Variants in DNAH11 observed in about 807,000 individuals in gnomAD.
The protein encoded by DNAH11 is dynein axonemal heavy chain 11.
In DNAH11, 442 loss-of-function variants were observed where a neutral mutation model predicts 526.0. The ratio of observed to expected loss-of-function variants is 0.84; its 90% confidence interval spans 0.78 to 0.91. The LOEUF is 0.91. Ranked by LOEUF, DNAH11 falls within the 40% of genes least tolerant of loss-of-function variation. The probability of loss-of-function intolerance (pLI) is 0.00; values close to 1 mark genes in which losing one functional copy is unlikely to be tolerated. For synonymous variants in DNAH11, 2,461 were observed against 1,935.9 expected (o/e 1.27, Z -7.12); for missense variants, 6,989 against 5,448.7 (o/e 1.28, Z -8.90).
At chr7:21,830,491 C>A (rs1487479908) in intron 65 of DNAH11, among the ~76,000 whole-genome samples, 2 of 152,022 alleles carry the variant, frequency 1.3e-5, no homozygotes, top group African/African-American at 2.4e-5. Flanking sequence ...CTCTCAGTAC[C>A]CTCTTGTGAT....
intron 28 of DNAH11, among the ~76,000 whole-genome samples, chr7:21,645,899 T>A (rs1440915462): frequency 6.6e-6 from 1 of 152,150 alleles, no homozygotes; most frequent in Admixed American, 6.5e-5. Context: ...AAAATCTTCT[T>A]AAATTGGACA....
At chr7:21,725,033 C>A (rs1344066303) in intron 44 of DNAH11, among the ~76,000 whole-genome samples, 1 of 53,652 alleles carries the variant, frequency 1.9e-5, no homozygotes, top group East Asian at 5.0e-4. Flanking sequence ...TTGTTGCTCA[C>A]AGTTGTCCTT....
intron 28 of DNAH11, among the ~76,000 whole-genome samples, chr7:21,639,487 C>A (rs1287404458): frequency 6.6e-6 from 1 of 152,148 alleles, no homozygotes; most frequent in Non-Finnish European, 1.5e-5. Flanking sequence ...TGACATTGGG[C>A]TTATCTTCAG....
chr7:21,613,948 T>TG (rs113864677), intron 20 of DNAH11, among the ~76,000 whole-genome samples: 2 of 150,108 alleles, frequency 1.3e-5, no homozygotes, highest in African/African-American at 2.5e-5. Context: ...TTTTTTTTTT[T>TG]GCACTTTTAA....
intron 61 of DNAH11, among the ~76,000 whole-genome samples, chr7:21,797,403 G>C (rs1788768629): frequency 6.6e-6 from 1 of 151,512 alleles, no homozygotes; most frequent in East Asian, 1.9e-4. Context: ...ATTTTTAGTA[G>C]AGACGGGGTT....
chr7:21,651,094 G>C (rs778991597), intron 28 of DNAH11, among the ~76,000 whole-genome samples: 1 of 151,872 alleles, frequency 6.6e-6, no homozygotes, highest in Admixed American at 6.6e-5. Flanking sequence ...CCATATTTTG[G>C]TCATGATTTA....
chr7:21,854,580 C>G, intron 68 of DNAH11, 125 bp downstream of exon 68: 5 of 1,083,242 alleles, frequency 4.6e-6, no homozygotes, highest in Non-Finnish European at 6.3e-6. Context: ...GACAGAGTCT[C>G]ACTCTGTAGC....
intron 29 of DNAH11, among the ~76,000 whole-genome samples, chr7:21,657,507 A>G (rs964280675): frequency 2.6e-5 from 4 of 152,172 alleles, no homozygotes; most frequent in African/African-American, 4.8e-5. Context: ...GAGCTGACAT[A>G]TTGACATGTA....
intron 24 of DNAH11, 133 bp from the exon 25 acceptor site, chr7:21,619,822 GA>G (rs1785953778): frequency 1.3e-6 from 1 of 797,164 alleles, no homozygotes; most frequent in Non-Finnish European, 2.0e-6. Context: ...TTACTTGGAG[GA>G]AAAAACTCAA....
chr7:21,735,506 C>T, intron 45 of DNAH11, 134 bp from the exon 46 acceptor site: 2 of 767,004 alleles, frequency 2.6e-6, no homozygotes, highest in South Asian at 3.8e-5. Context: ...GGGTGCTAAT[C>T]TGAACTATGA....
chr7:21,899,822 C>G (rs1410086771), intron 80 of DNAH11, among the ~76,000 whole-genome samples, 158 bp from the exon 81 acceptor site: 1 of 152,182 alleles, frequency 6.6e-6, no homozygotes, highest in Non-Finnish European at 1.5e-5. Context: ...TCCTGCAGGC[C>G]TTAGTTGGCC....
At chr7:21,751,837 A>C (rs1455948200) in intron 54 of DNAH11, among the ~76,000 whole-genome samples, 1 of 152,246 alleles carries the variant, frequency 6.6e-6, no homozygotes, top group Non-Finnish European at 1.5e-5. Flanking sequence ...GACTAAGAAT[A>C]CATTTGTCAG....
chr7:21,543,690 C>T (rs1209527954), intron 1 of DNAH11, 94 bp downstream of exon 1: 14 of 1,379,018 alleles, frequency 1.0e-5, no homozygotes, highest in Non-Finnish European at 1.4e-5. Context: ...GCGGGGCGCT[C>T]ACTCGGGCAC....
chr7:21,885,596 T>C (rs1398912978), intron 76 of DNAH11, among the ~76,000 whole-genome samples: 6 of 152,092 alleles, frequency 3.9e-5, no homozygotes, highest in Non-Finnish European at 7.4e-5. Context: ...TAAAAATAGC[T>C]AGAAGAGAGG....
chr7:21,620,213 T>G (rs922253674), intron 25 of DNAH11, 135 bp downstream of exon 25: 2 of 780,620 alleles, frequency 2.6e-6, no homozygotes, highest in East Asian at 6.3e-5. Context: ...AACCGTCATC[T>G]CATACACTTA....
chr7:21,718,467 C>G (rs578243775), intron 43 of DNAH11, among the ~76,000 whole-genome samples: 1 of 152,132 alleles, frequency 6.6e-6, no homozygotes, highest in African/African-American at 2.4e-5. Flanking sequence ...CAGGCCTCCC[C>G]CTCCCAAAAA....
At chr7:21,860,203 A>G (rs1783004951) in intron 68 of DNAH11, among the ~76,000 whole-genome samples, 1 of 152,158 alleles carries the variant, frequency 6.6e-6, no homozygotes, top group Non-Finnish European at 1.5e-5. Flanking sequence ...ATATGAAAAA[A>G]TACTCAACAT....
At chr7:21,831,005 T>C (rs1790529107) in intron 65 of DNAH11, among the ~76,000 whole-genome samples, 2 of 152,188 alleles carry the variant, frequency 1.3e-5, no homozygotes, top group Non-Finnish European at 2.9e-5. Context: ...AAAAATCCTA[T>C]GGGAGCAGCC....
chr7:21,802,951 A>G (rs1252091237), intron 62 of DNAH11, among the ~76,000 whole-genome samples: 1 of 149,470 alleles, frequency 6.7e-6, no homozygotes, highest in African/African-American at 2.5e-5. Context: ...TATATATAAT[A>G]TATATATATA....
Sources: allele counts gnomAD v4.1 joint callset (sites outside exome capture counted in the v4.1 genomes callset), GRCh38; gene constraint gnomAD v4.1.1; transcripts MANE v1.5; gene names NCBI Gene and HGNC (gene_info 2026-07-23, HGNC 2026-07-21).